PCDH15: variants seen among roughly 807,000 people sequenced by gnomAD.
PCDH15 encodes the protein protocadherin-15.
PCDH15 carries 129 observed loss-of-function variants against 178.5 expected under a neutral mutation model. The ratio of observed to expected loss-of-function variants is 0.72; its 90% CI spans 0.63 to 0.84. The LOEUF is 0.84. Among genes scored for constraint, PCDH15 ranks in the 40% least tolerant of loss-of-function variants. PCDH15 has a pLI of 0.00. For synonymous variants in PCDH15, 800 were observed against 732.0 expected (o/e 1.09, Z -1.50); for missense variants, 2,230 against 2,099.9 (o/e 1.06, Z -1.21).
chr10:53,991,005 C>A (rs12219958), intron 21 of PCDH15, among the ~76,000 whole-genome samples: 13,590 of 152,190 alleles, frequency 0.089, 1,799 homozygotes, highest in African/African-American at 0.29. Context: ...CCCGCCCGCC[C>A]ACGCTGCACT....
chr10:54,820,319 C>T (rs1027366763), intron 3 of PCDH15, among the ~76,000 whole-genome samples: 18 of 152,088 alleles, frequency 1.2e-4, no homozygotes, highest in African/African-American at 3.1e-4. Flanking sequence ...AAGAAAGTTT[C>T]GTTTTTTAGA....
At chr10:53,836,478 A>C (rs2077314150) in intron 29 of PCDH15, among the ~76,000 whole-genome samples, 1 of 150,644 alleles carries the variant, frequency 6.6e-6, no homozygotes, top group Admixed American at 6.7e-5. Flanking sequence ...CTGAGAGCTG[A>C]GGACTGAGTA....
chr10:55,483,667 G>C (rs536099398), intron 2 of PCDH15, among the ~76,000 whole-genome samples: 153 of 151,470 alleles, frequency 1.0e-3, no homozygotes, highest in African/African-American at 3.3e-3. Context: ...CTATTATAAA[G>C]ACACATACTG....
At chr10:54,847,245 T>A (rs1953533065) in intron 3 of PCDH15, among the ~76,000 whole-genome samples, 1 of 152,138 alleles carries the variant, frequency 6.6e-6, no homozygotes, top group South Asian at 2.1e-4. Context: ...ACTGTCCTAA[T>A]AAAACAAAAC....
intron 3 of PCDH15, among the ~76,000 whole-genome samples, chr10:54,477,020 C>A (rs1315782818): frequency 6.6e-6 from 1 of 152,068 alleles, no homozygotes; most frequent in African/African-American, 2.4e-5. Context: ...TTAATCCATT[C>A]TCCTTAGTGC....
chr10:54,271,080 A>T (rs2058019451), intron 8 of PCDH15, among the ~76,000 whole-genome samples: 1 of 152,218 alleles, frequency 6.6e-6, no homozygotes, highest in African/African-American at 2.4e-5. Flanking sequence ...GGCACTGATA[A>T]GGGAATAAAC....
chr10:55,461,874 A>G (rs894955612), intron 2 of PCDH15, among the ~76,000 whole-genome samples: 1 of 152,122 alleles, frequency 6.6e-6, no homozygotes, highest in Non-Finnish European at 1.5e-5. Flanking sequence ...TGTGATTATC[A>G]TTCATCTGGT....
chr10:54,889,993 T>C (rs927840092), intron 3 of PCDH15, among the ~76,000 whole-genome samples: 6 of 151,916 alleles, frequency 3.9e-5, no homozygotes, highest in Non-Finnish European at 2.9e-5. Context: ...AATGATAAAG[T>C]GGAAAAATAC....
intron 2 of PCDH15, among the ~76,000 whole-genome samples, chr10:54,581,376 A>T (rs1302182893): frequency 6.6e-6 from 1 of 152,110 alleles, no homozygotes; most frequent in Non-Finnish European, 1.5e-5. Flanking sequence ...TACATCCAAC[A>T]AAGAGGTGAA....
At chr10:54,317,522 C>T in intron 7 of PCDH15, 81 bp from the exon 8 acceptor site, 1 of 1,540,056 alleles carries the variant, frequency 6.5e-7, no homozygotes, top group Non-Finnish European at 9.0e-7. Context: ...TACCTGTAAT[C>T]CCAGAACTTT....
intron 25 of PCDH15, among the ~76,000 whole-genome samples, chr10:53,909,160 G>A (rs968290931): frequency 4.6e-5 from 7 of 152,124 alleles, no homozygotes; most frequent in African/African-American, 7.2e-5. Context: ...GAGTTTGCAC[G>A]AAATCCAATG....
chr10:54,404,152 T>G (rs1337973787), intron 3 of PCDH15, among the ~76,000 whole-genome samples: 1 of 151,720 alleles, frequency 6.6e-6, no homozygotes, highest in African/African-American at 2.4e-5. Flanking sequence ...TATTTATTAA[T>G]GATAAAATAT....
intron 18 of PCDH15, among the ~76,000 whole-genome samples, chr10:54,052,039 T>G (rs1340245340): frequency 6.6e-6 from 1 of 152,208 alleles, no homozygotes; most frequent in East Asian, 1.9e-4. Context: ...TGGAAACCTC[T>G]GCCTAGATTT....
chr10:53,983,816 A>G (rs2090873751), intron 21 of PCDH15, among the ~76,000 whole-genome samples: 1 of 152,204 alleles, frequency 6.6e-6, no homozygotes, highest in Admixed American at 6.5e-5. Context: ...TATCTGAGCT[A>G]GTAATTAGTG....
At chr10:53,822,558 G>T in intron 32 of PCDH15, 4 of 1,613,848 alleles carry the variant, frequency 2.5e-6, no homozygotes, top group Non-Finnish European at 3.4e-6. Context: ...GGTTTCAATA[G>T]GTAACATACA....
intron 8 of PCDH15, among the ~76,000 whole-genome samples, chr10:54,299,527 G>A (rs1303517192): frequency 6.6e-6 from 1 of 152,188 alleles, no homozygotes; most frequent in Middle Eastern, 3.2e-3. Context: ...CAAGGGTGTA[G>A]CCCAAAAGCA....
rs538322113 is a variant in PCDH15 at position 54,770,075 on chromosome 10, C to A, written c.-29+30850G>T. Among the ~76,000 whole-genome samples, 125 of 152,202 alleles carry A rather than the reference C, an allele frequency of 8.2e-4. 3 individuals carry two copies. The highest frequency in any genetic ancestry group is 3.1e-4 in the Non-Finnish European group (21 of 68,008). On this transcript the variant is annotated intron_variant, in intron 1 of 37. Coordinates refer to ENST00000644397, the MANE Select transcript of PCDH15 (RefSeq NM_001384140.1). ...GCTTAATAGCAACATGAGCTACCAG[C>A]AACAACATCAAACAATGCAGATACA...
At chr10:54,273,428 C>A (rs1376328023) in intron 8 of PCDH15, among the ~76,000 whole-genome samples, 1 of 150,998 alleles carries the variant, frequency 6.6e-6, no homozygotes, top group African/African-American at 2.4e-5. Context: ...AAATTTCCAG[C>A]CAGATTGATG....
At chr10:55,451,616 G>A (rs1189489610) in intron 2 of PCDH15, among the ~76,000 whole-genome samples, 1 of 152,146 alleles carries the variant, frequency 6.6e-6, no homozygotes, top group Admixed American at 6.6e-5. Flanking sequence ...AGTAAATATT[G>A]TAAAAATGAA....
Sources: allele counts gnomAD v4.1 joint callset (sites outside exome capture counted in the v4.1 genomes callset), GRCh38; gene constraint gnomAD v4.1.1; transcripts MANE v1.5; gene names NCBI Gene and HGNC (gene_info 2026-07-23, HGNC 2026-07-21).